NCAPG: variants seen among roughly 807,000 people sequenced by gnomAD.
NCAPG encodes the protein condensin complex subunit 3.
NCAPG carries 69 observed loss-of-function variants against 113.1 expected under a neutral mutation model. The observed-to-expected ratio is 0.61, with a 90% CI of 0.50 to 0.75. The LOEUF (loss-of-function observed/expected upper bound fraction) is 0.75, where lower values mean the gene tolerates loss of function less well. Among genes scored for constraint, NCAPG ranks in the 30% least tolerant of loss-of-function variants. The probability of loss-of-function intolerance (pLI) is 0.00; values close to 1 mark genes in which losing one functional copy is unlikely to be tolerated. For missense variants in NCAPG, 1,058 were observed against 1,177.0 expected (o/e 0.90, Z 1.48); for synonymous variants, 370 against 415.8 (o/e 0.89, Z 1.34).
intron 3 of NCAPG, 94 bp from the exon 4 acceptor site, chr4:17,814,759 A>G: frequency 7.4e-7 from 1 of 1,358,808 alleles, no homozygotes; most frequent in Admixed American, 2.0e-5. Context: ...TTATCACATT[A>G]AAGGCATTTT....
At chr4:17,822,089 T>C (rs1721478556) in intron 7 of NCAPG, among the ~76,000 whole-genome samples, 1 of 152,078 alleles carries the variant, frequency 6.6e-6, no homozygotes, top group African/African-American at 2.4e-5. Flanking sequence ...TTTTTCTGAT[T>C]TTTTTCAAAA....
intron 13 of NCAPG, 21 bp from the exon 14 acceptor site, chr4:17,834,278 G>T (rs1390625988): frequency 4.1e-6 from 6 of 1,459,696 alleles, no homozygotes; most frequent in Admixed American, 4.6e-5. Flanking sequence ...ACTTTTTTTG[G>T]TGGGGAATAT....
intron 3 of NCAPG, among the ~76,000 whole-genome samples, chr4:17,813,650 T>C (rs934778506): frequency 2.0e-5 from 3 of 151,224 alleles, no homozygotes; most frequent in Non-Finnish European, 4.4e-5. Flanking sequence ...GATCTCTTCC[T>C]GTTTTAGGTG....
rs1264806191 is a variant in NCAPG, at chr4:17,842,317, A to AAAAG, written c.2863_2866dup (p.Val956GlufsTer7). ...AATTATACTATCTTCAAGGACAGAG[A>AAAAG]AAAGTGACAGTTTCAGCTAGGACGA... On this transcript the variant is annotated frameshift_variant, in exon 20 of 21. Transcript: ENST00000251496. LOFTEE classifies it high-confidence loss of function. The AAAAG allele has an allele frequency of 6.2e-7, 1 of 1,611,910 alleles. No individual in the cohort carries two copies. The highest frequency in any genetic ancestry group is 1.3e-5 in the African/African-American group (1 of 74,858).
rs775005433 is a variant in NCAPG at position 17,825,066 on chromosome 4, CTT to C, written c.1473+12_1473+13del. On this transcript the variant is annotated intron_variant, in intron 10 of 20. Transcript: ENST00000251496. ...GAAAGAAAGAACTCAAGGTAAGTCTCTTTTAAATGAAAGAAGTGCTTGAGTGT... is the reference window on the plus strand; with the variant it reads ...GAAAGAAAGAACTCAAGGTAAGTCTCTTAAATGAAAGAAGTGCTTGAGTGT... 5.5e-5 allele frequency: 88 copies of C among 1,600,242 alleles called. No individual in the cohort carries two copies. In the African/African-American group the frequency reaches 9.1e-4, roughly 17 times the overall value.
chr4:17,814,057 A>G (rs1721100414), intron 3 of NCAPG, among the ~76,000 whole-genome samples: 1 of 152,210 alleles, frequency 6.6e-6, no homozygotes, highest in African/African-American at 2.4e-5. Flanking sequence ...TAAATATAAG[A>G]AATGGGTTTG....
intron 16 of NCAPG, 43 bp from the exon 17 acceptor site, chr4:17,839,633 T>A: frequency 7.6e-7 from 1 of 1,314,034 alleles, no homozygotes; most frequent in Non-Finnish European, 1.0e-6. Context: ...ATAATAATCA[T>A]AATCATCTTC....
chr4:17,821,923 C>G (rs2109049942), intron 7 of NCAPG, among the ~76,000 whole-genome samples: 1 of 151,994 alleles, frequency 6.6e-6, no homozygotes, highest in East Asian at 1.9e-4. Flanking sequence ...GAATATACAG[C>G]CTTCTTGGTG....
At chr4:17,831,955 A>G (rs751477054) in intron 13 of NCAPG, among the ~76,000 whole-genome samples, 3 of 152,158 alleles carry the variant, frequency 2.0e-5, no homozygotes, top group Non-Finnish European at 4.4e-5. Context: ...AGGGCCAGAG[A>G]GTAAATATTT....
At chr4:17,814,782 T>A in intron 3 of NCAPG, 71 bp from the exon 4 acceptor site, 1 of 1,465,640 alleles carries the variant, frequency 6.8e-7, no homozygotes, top group South Asian at 1.2e-5. Flanking sequence ...AATATCAAAA[T>A]GTGTGTTATT....
At position 17,832,726 on chromosome 4, in the gene NCAPG, G is replaced by A. The variant is rs147166617; in HGVS notation, c.1885-1573G>A. 6.8e-3 allele frequency among the ~76,000 whole-genome samples: 1,038 copies of A among 152,186 alleles called. 16 individuals are homozygous for A. Among genetic ancestry groups the A allele is most frequent in the African/African-American group, 0.024 (985 of 41,502 alleles). ...ATGAGTATAGACTGAATGAGTGTAG[G>A]GTCAACTTTATAGGACCCTAAGCCT... is the stretch of plus-strand genomic sequence containing the variant. On this transcript the variant is annotated intron_variant, in intron 13 of 20. Transcript: ENST00000251496.
intron 5 of NCAPG, among the ~76,000 whole-genome samples, chr4:17,815,572 T>G (rs892130468): frequency 6.6e-6 from 1 of 152,208 alleles, no homozygotes; most frequent in Non-Finnish European, 1.5e-5. Context: ...TCACCCAGAC[T>G]GGAGTGCTGT....
Position 17,843,607 on chromosome 4 carries a change from GA to G in NCAPG, c.*187del. On this transcript the variant is annotated 3_prime_UTR_variant, in exon 21 of 21. Transcript: ENST00000251496. ...GAGCAGCATCAGTTATTATAGTCCAGAAAAAGTGTGCATCAGTCAGTCACAC... is the reference window on the plus strand; with the variant it reads ...GAGCAGCATCAGTTATTATAGTCCAGAAAAGTGTGCATCAGTCAGTCACAC... 4 of 528,642 alleles carry G rather than the reference GA, an allele frequency of 7.6e-6. No homozygotes were observed. The highest frequency in any genetic ancestry group is 9.9e-6 in the Non-Finnish European group (3 of 303,504). The allele number at this position is 528,642 out of a possible 1,614,324, so 32.7% of individuals were successfully genotyped here. A position where few individuals can be genotyped will look rare whatever the true frequency, so the allele number is the denominator to read the frequency against.
At chr4:17,814,645 TA>T (rs149156653) in intron 3 of NCAPG, among the ~76,000 whole-genome samples, 3,979 of 152,266 alleles carry the variant, frequency 0.026, 54 homozygotes, top group South Asian at 0.03. Flanking sequence ...GGGGTCTTTC[TA>T]TATTGCTCAG....
chr4:17,830,896 C>A, intron 12 of NCAPG, 101 bp from the exon 13 acceptor site: 3 of 1,224,726 alleles, frequency 2.4e-6, no homozygotes, highest in Non-Finnish European at 3.4e-6. Context: ...TTAATACTTA[C>A]CTTTTCTTTA....
intron 7 of NCAPG, 133 bp from the exon 8 acceptor site, chr4:17,822,850 C>A: frequency 1.8e-6 from 1 of 566,308 alleles, no homozygotes; most frequent in East Asian, 3.5e-5. Flanking sequence ...GTTTGTAGAC[C>A]AAATTACATG....
chr4:17,814,714 G>A (rs1484712402), intron 3 of NCAPG, 139 bp from the exon 4 acceptor site: 1 of 963,126 alleles, frequency 1.0e-6, no homozygotes, highest in East Asian at 2.7e-5. Context: ...CCAAAGTGCT[G>A]GTTATAGGCA....
intron 20 of NCAPG, 131 bp from the exon 21 acceptor site, chr4:17,843,171 G>A (rs1311227330): frequency 1.2e-5 from 12 of 981,716 alleles, no homozygotes; most frequent in East Asian, 2.6e-5. Flanking sequence ...TTAGTTTTAA[G>A]CTAAGTCAAT....
rs1309136545 is a variant in NCAPG at position 17,834,507 on chromosome 4, A to T, written c.2093A>T (p.Asp698Val). Residue 698 changes from aspartate (D) to valine (V), a missense_variant, in exon 14 of 21, where the codon GAT becomes GTT. Asp to Val is a radical substitution (Grantham distance 152, BLOSUM62 -3). Coordinates refer to ENST00000251496, the MANE Select transcript of NCAPG (RefSeq NM_022346.5). ...AAGAATGTTCTGAAACTCCTTTCTGATTTCTTAGATAGTGAGGTAAGAAAT... is the reference window on the plus strand; with the variant it reads ...AAGAATGTTCTGAAACTCCTTTCTGTTTTCTTAGATAGTGAGGTAAGAAAT... ...TAKNVLKLLSDFLDSEVSELR... is the reference protein window; with the variant it reads ...TAKNVLKLLSVFLDSEVSELR... 2.5e-6 allele frequency: 4 copies of T among 1,589,028 alleles called. No individual in the cohort carries two copies.
Sources: allele counts gnomAD v4.1 joint callset (sites outside exome capture counted in the v4.1 genomes callset), GRCh38; gene constraint gnomAD v4.1.1; transcripts MANE v1.5; gene names NCBI Gene and HGNC (gene_info 2026-07-23, HGNC 2026-07-21).